The following SLC8A1 variants were observed in gnomAD, a reference collection of about 807,000 sequenced individuals.
SLC8A1 encodes sodium/calcium exchanger 1.
A neutral mutation model predicts 68.3 loss-of-function variants in SLC8A1; 18 were observed. The observed-to-expected ratio is 0.26, with a 90% confidence interval of 0.18 to 0.39. The LOEUF (loss-of-function observed/expected upper bound fraction) is 0.39, where lower values mean the gene tolerates loss of function less well. Among genes scored for constraint, SLC8A1 ranks in the 10% least tolerant of loss-of-function variants. SLC8A1 has a pLI of 1.00. For synonymous variants in SLC8A1, 475 were observed against 415.5 expected (o/e 1.14, Z -1.74); for missense variants, 985 against 1,156.7 (o/e 0.85, Z 2.15).
intron 2 of SLC8A1, among the ~76,000 whole-genome samples, chr2:40,359,189 T>C (rs544926520): frequency 2.0e-5 from 3 of 152,076 alleles, no homozygotes; most frequent in Non-Finnish European, 4.4e-5. Flanking sequence ...AAATGTAAAA[T>C]ACACACTTTA....
intron 2 of SLC8A1, among the ~76,000 whole-genome samples, chr2:40,193,763 G>T (rs1392742946): frequency 6.6e-6 from 1 of 152,002 alleles, no homozygotes; most frequent in African/African-American, 2.4e-5. Context: ...AAGGAGAGGG[G>T]GCAGGGAAGC....
intron 1 of SLC8A1, among the ~76,000 whole-genome samples, chr2:40,442,088 T>C (rs1211815575): frequency 6.8e-6 from 1 of 146,104 alleles, no homozygotes; most frequent in South Asian, 2.3e-4. Context: ...TTAGGAGATA[T>C]ACCTAATGCT....
intron 2 of SLC8A1, among the ~76,000 whole-genome samples, chr2:40,271,973 C>A (rs1437661944): frequency 6.6e-6 from 1 of 152,030 alleles, no homozygotes; most frequent in Non-Finnish European, 1.5e-5. Context: ...CTCAAGCAAT[C>A]CTCCCACCTT....
intron 7 of SLC8A1, among the ~76,000 whole-genome samples, chr2:40,115,867 GT>G (rs780034980): frequency 2.0e-5 from 3 of 152,212 alleles, no homozygotes; most frequent in Non-Finnish European, 4.4e-5. Context: ...TCTTGGTCAA[GT>G]TTTGTATCCA....
intron 4 of SLC8A1, among the ~76,000 whole-genome samples, chr2:40,168,039 T>G (rs909412773): frequency 2.0e-5 from 3 of 152,150 alleles, no homozygotes; most frequent in African/African-American, 7.2e-5. Context: ...TCTTAGTTGC[T>G]CAACCCATAC....
At chr2:40,365,224 A>T (rs551088502) in intron 2 of SLC8A1, among the ~76,000 whole-genome samples, 1 of 152,218 alleles carries the variant, frequency 6.6e-6, no homozygotes, top group East Asian at 1.9e-4. Flanking sequence ...AAACCAAAAA[A>T]AAAAATGAAA....
intron 1 of SLC8A1, among the ~76,000 whole-genome samples, chr2:40,460,776 T>A (rs916253311): frequency 1.6e-4 from 25 of 152,112 alleles, no homozygotes; most frequent in African/African-American, 5.8e-4. Flanking sequence ...TTTTACCATG[T>A]TGGCCAGACT....
intron 2 of SLC8A1, among the ~76,000 whole-genome samples, chr2:40,202,386 T>C (rs13015064): frequency 0.022 from 3,271 of 152,072 alleles, 64 homozygotes; most frequent in African/African-American, 0.047. Flanking sequence ...ATCAGATTTT[T>C]TTCTGTAAAT....
chr2:40,501,514 A>G (rs1706056991), intron 1 of SLC8A1, among the ~76,000 whole-genome samples: 2 of 152,124 alleles, frequency 1.3e-5, no homozygotes, highest in Non-Finnish European at 2.9e-5. Flanking sequence ...TTTGACCTGT[A>G]TGCTTCTTTT....
chr2:40,338,782 G>A (rs1244588928), intron 2 of SLC8A1, among the ~76,000 whole-genome samples: 1 of 152,164 alleles, frequency 6.6e-6, no homozygotes, highest in Non-Finnish European at 1.5e-5. Flanking sequence ...AATAGATCCT[G>A]AAAGGTATCA....
At chr2:40,296,770 C>T (rs576415692) in intron 2 of SLC8A1, among the ~76,000 whole-genome samples, 1 of 152,218 alleles carries the variant, frequency 6.6e-6, no homozygotes, top group Middle Eastern at 3.4e-3. Context: ...TTTGTTGATG[C>T]TGAAATTGCC....
At chr2:40,448,134 G>A (rs942569911) in intron 1 of SLC8A1, among the ~76,000 whole-genome samples, 1 of 149,782 alleles carries the variant, frequency 6.7e-6, no homozygotes, top group Non-Finnish European at 1.5e-5. Context: ...AAATACATCA[G>A]AAAATGGACT....
At chr2:40,457,378 GT>G (rs1331850623) in intron 1 of SLC8A1, among the ~76,000 whole-genome samples, 1 of 152,094 alleles carries the variant, frequency 6.6e-6, no homozygotes, top group African/African-American at 2.4e-5. Flanking sequence ...CCAAGGCACC[GT>G]TTATGATATA....
intron 2 of SLC8A1, among the ~76,000 whole-genome samples, chr2:40,364,129 G>C (rs1254491727): frequency 1.3e-5 from 2 of 151,854 alleles, no homozygotes; most frequent in Non-Finnish European, 2.9e-5. Flanking sequence ...ATAAGTATTT[G>C]CTCTTAGTAT....
At chr2:40,316,441 C>T (rs776419466) in intron 2 of SLC8A1, among the ~76,000 whole-genome samples, 2 of 151,962 alleles carry the variant, frequency 1.3e-5, no homozygotes, top group Admixed American at 6.6e-5. Flanking sequence ...TATAGGAACA[C>T]AAAATTTGGT....
At chr2:40,341,116 T>A (rs1667554196) in intron 2 of SLC8A1, among the ~76,000 whole-genome samples, 1 of 152,294 alleles carries the variant, frequency 6.6e-6, no homozygotes, top group East Asian at 1.9e-4. Flanking sequence ...CTCACCCTAT[T>A]GCCTTGTTTG....
exon 8 of SLC8A1, chr2:40,097,430 GACAA>G (rs2033636751): frequency 6.6e-6 from 1 of 151,978 alleles, no homozygotes; most frequent in Non-Finnish European, 1.5e-5. Context: ...ATACATGTAT[GACAA>G]ACAATGCTTC....
At chr2:40,110,525 C>T (rs2034494718) in exon 8 of SLC8A1, 1 of 152,162 alleles carries the variant, frequency 6.6e-6, no homozygotes. Flanking sequence ...ATGCACTCAC[C>T]AATTTAATGA....
chr2:40,169,452 G>C (rs1297107335), intron 4 of SLC8A1, among the ~76,000 whole-genome samples: 2 of 152,098 alleles, frequency 1.3e-5, no homozygotes, highest in East Asian at 3.9e-4. Context: ...AATATCATTA[G>C]AGATGATATT....
Sources: gnomAD v4.1 joint callset for allele counts (sites outside exome capture counted in the v4.1 genomes callset) on GRCh38, gnomAD v4.1.1 for gene constraint, MANE v1.5 for transcripts, NCBI Gene and HGNC (gene_info 2026-07-23, HGNC 2026-07-21) for gene names.